DUSP10: variants seen among roughly 807,000 people sequenced by gnomAD.
The protein encoded by DUSP10 is dual specificity phosphatase 10, also known as dual specificity protein phosphatase 10.
DUSP10 carries 14 observed loss-of-function variants against 30.8 expected under a neutral mutation model. That is an observed-to-expected ratio of 0.46 (90% CI 0.30 to 0.71). The LOEUF is 0.71. Among genes scored for constraint, DUSP10 ranks in the 30% least tolerant of loss-of-function variants. The pLI, the probability that DUSP10 is intolerant of heterozygous loss-of-function variation, is 0.08. For missense variants in DUSP10, 550 were observed against 619.4 expected (o/e 0.89, Z 1.19); for synonymous variants, 254 against 250.4 (o/e 1.01, Z -0.14).
In DUSP10 at chr1:221,701,434, T is replaced by C. The variant is rs1176122523; in HGVS notation, c.*978A>G. ...AAGACACATCCTAAACCAGTTTCATTTATATAATGAAAATAAATTTTTACA... is the reference window on the plus strand; with the variant it reads ...AAGACACATCCTAAACCAGTTTCATCTATATAATGAAAATAAATTTTTACA... On this transcript the variant is annotated 3_prime_UTR_variant, in exon 4 of 4. Coordinates refer to ENST00000366899, the MANE Select transcript of DUSP10 (RefSeq NM_007207.6). 6.6e-6 allele frequency: 1 copy of C among 152,240 alleles called. No homozygotes were observed. The highest frequency in any genetic ancestry group is 1.5e-5 in the Non-Finnish European group (1 of 67,950). The allele number at this position is 152,240 out of a possible 1,614,324, so 9.4% of individuals were successfully genotyped here. A position where few individuals can be genotyped will look rare whatever the true frequency, so the allele number is the denominator to read the frequency against.
chr1:221,708,326 A>C (rs1275166856), intron 2 of DUSP10, among the ~76,000 whole-genome samples: 1 of 152,236 alleles, frequency 6.6e-6, no homozygotes. Context: ...CATCTTTGAC[A>C]AACCACAGCG....
chr1:221,716,337 GT>G (rs1661105957), intron 2 of DUSP10, among the ~76,000 whole-genome samples: 1 of 152,178 alleles, frequency 6.6e-6, no homozygotes. Flanking sequence ...AAAGGTTTCA[GT>G]AAGAACCACC....
At chr1:221,719,589 A>G (rs891903002) in intron 2 of DUSP10, among the ~76,000 whole-genome samples, 5 of 152,208 alleles carry the variant, frequency 3.3e-5, no homozygotes, top group Non-Finnish European at 4.4e-5. Flanking sequence ...ACATATTGTC[A>G]ACATGGACTT....
chr1:221,732,520 A>G (rs1020426194), intron 2 of DUSP10, among the ~76,000 whole-genome samples: 1 of 152,232 alleles, frequency 6.6e-6, no homozygotes, highest in Non-Finnish European at 1.5e-5. Flanking sequence ...AAAAAATCTT[A>G]TATTTTATGC....
chr1:221,702,306 T>C lies in DUSP10; in HGVS notation c.*106A>G. Reference sequence around the variant, plus strand: ...AACAAGTTTGTTTCCATTCACAAACTTACTCCCAACTACAAAAAAAAAAAG... The same window carrying C: ...AACAAGTTTGTTTCCATTCACAAACCTACTCCCAACTACAAAAAAAAAAAG... On this transcript the variant is annotated 3_prime_UTR_variant, in exon 4 of 4. Transcript: ENST00000366899. This position sits in a 1 kb window ranked among gnomAD's most constrained non-coding sequence, Gnocchi z 4.5. 1 of 1,338,288 alleles carries C rather than the reference T, an allele frequency of 7.5e-7. No individual in the cohort carries two copies. The highest frequency in any genetic ancestry group is 1.0e-6 in the Non-Finnish European group (1 of 980,142). 82.9% of individuals were successfully genotyped at this position (1,338,288 alleles called of 1,614,324 possible).
At chr1:221,733,350 G>C (rs190168539) in intron 2 of DUSP10, among the ~76,000 whole-genome samples, 4 of 152,214 alleles carry the variant, frequency 2.6e-5, no homozygotes, top group Non-Finnish European at 2.9e-5. Flanking sequence ...AATAGGCAAA[G>C]TGCTTTACCT....
chr1:221,719,254 C>T (rs1661209958), intron 2 of DUSP10, among the ~76,000 whole-genome samples: 1 of 152,198 alleles, frequency 6.6e-6, no homozygotes, highest in African/African-American at 2.4e-5. Flanking sequence ...ACAACTTCCT[C>T]AAGTCACTGA....
chr1:221,719,893 A>G (rs921850323), intron 2 of DUSP10, among the ~76,000 whole-genome samples: 2 of 152,220 alleles, frequency 1.3e-5, no homozygotes, highest in African/African-American at 4.8e-5. Context: ...CTGGTGTTCT[A>G]TAACTTCAAT....
chr1:221,706,404 C>T lies in DUSP10; in HGVS notation c.874G>A (p.Glu292Lys). 11 of 1,564,658 alleles carry T rather than the reference C, an allele frequency of 7.0e-6. No homozygotes were observed. The highest frequency in any genetic ancestry group is 9.5e-6 in the Non-Finnish European group (11 of 1,154,056). ...GCGCCGCCCCCCACCTCCCGGCACT[C>T]TTGGAGCTGGAGGGAGTTGTCACAG... ...NLCDNSLQLQ[E>K]CREVGGGASA... is the part of the protein sequence containing the mutation. Residue 292 changes from glutamate (E) to lysine (K), a missense_variant, in exon 3 of 4, where the codon GAG (glutamate) becomes AAG (lysine). Coordinates refer to ENST00000366899, the MANE Select transcript of DUSP10 (RefSeq NM_007207.6). The surrounding 1 kb of genome is among the most constrained non-coding windows in gnomAD (Gnocchi z 4.6).
rs765464640 is a variant in DUSP10 at position 221,702,468 on chromosome 1, C to T, written c.1393G>A (p.Gly465Ser). ...LLEFEEDLNN[G>S]VTPRILTPKL... is the part of the protein sequence containing the mutation. ...GGTGTAAGGATTCTCGGTGTCACAC[C>T]GTTGTTTAGGTCTTCCTCGAACTCT... The change falls in exon 4 of 4, where the codon GGT becomes AGT. Residue 465 changes from glycine (G) to serine (S), a missense_variant. Coordinates refer to ENST00000366899, the MANE Select transcript of DUSP10 (RefSeq NM_007207.6). The surrounding 1 kb of genome is among the most constrained non-coding windows in gnomAD (Gnocchi z 4.5). 20 of 1,613,934 alleles carry T rather than the reference C, an allele frequency of 1.2e-5. No individual in the cohort carries two copies. Among genetic ancestry groups the T allele is most frequent in the East Asian group, 4.5e-5 (2 of 44,894 alleles).
intron 2 of DUSP10, among the ~76,000 whole-genome samples, chr1:221,726,566 G>C (rs932136450): frequency 4.4e-4 from 67 of 152,228 alleles, no homozygotes; most frequent in Admixed American, 1.0e-3. Flanking sequence ...GGCGGGATTA[G>C]TAATATTATG....
chr1:221,729,911 T>C (rs938539302), intron 2 of DUSP10, among the ~76,000 whole-genome samples: 1 of 152,224 alleles, frequency 6.6e-6, no homozygotes, highest in East Asian at 1.9e-4. Flanking sequence ...AGTTTGTGTC[T>C]AGTCTTATTC....
At chr1:221,731,772 CT>C in intron 2 of DUSP10, among the ~76,000 whole-genome samples, 1 of 151,878 alleles carries the variant, frequency 6.6e-6, no homozygotes, top group South Asian at 2.1e-4. Context: ...CCATGCCCAG[CT>C]AATTTTTGTA....
Position 221,739,507 on chromosome 1 carries a change from A to T in DUSP10, c.238T>A (p.Cys80Ser). 6.2e-7 allele frequency: 1 copy of T among 1,614,196 alleles called. No homozygotes were observed. The highest frequency in any genetic ancestry group is 8.5e-7 in the Non-Finnish European group (1 of 1,180,036). ...TTGTCGTAGGTTGCCACAGTGCAGC[A>T]GCTGGCACTGCTGCATCCACAATTC... Reference protein sequence around the residue: ...SLNCGCSSASCCTVATYDKDN... With the variant: ...SLNCGCSSASSCTVATYDKDN... Residue 80 changes from cysteine to serine, a missense_variant, in exon 2 of 4, where the codon TGC becomes AGC. Cys to Ser is a moderately radical substitution (Grantham distance 112). Transcript: ENST00000366899.
chr1:221,708,232 G>T (rs1660824436), intron 2 of DUSP10, among the ~76,000 whole-genome samples: 1 of 152,194 alleles, frequency 6.6e-6, no homozygotes, highest in African/African-American at 2.4e-5. Context: ...ATGAACAAGA[G>T]ACGGTTATGT....
At position 221,739,745 on chromosome 1, in the gene DUSP10, G is replaced by A; in HGVS notation, c.-1C>T. On this transcript the variant is annotated 5_prime_UTR_variant, in exon 2 of 4. Transcript: ENST00000366899. Reference sequence around the variant, plus strand: ...TGTCGTCTAAAGGAGACGGAGGCATGAGGAGGCTGAAAACTGGCAATTCAA... The same window carrying A: ...TGTCGTCTAAAGGAGACGGAGGCATAAGGAGGCTGAAAACTGGCAATTCAA... The A allele has an allele frequency of 6.4e-7, 1 of 1,570,092 alleles. No individual in the cohort carries two copies.
At chr1:221,730,357 G>A (rs1019702321) in intron 2 of DUSP10, among the ~76,000 whole-genome samples, 1 of 152,124 alleles carries the variant, frequency 6.6e-6, no homozygotes. Context: ...GGCCTGATGC[G>A]ACCCCCTGGC....
intron 2 of DUSP10, among the ~76,000 whole-genome samples, chr1:221,730,835 T>C (rs1363277196): frequency 1.3e-5 from 2 of 151,386 alleles, no homozygotes; most frequent in African/African-American, 2.5e-5. Context: ...TCTCTATATA[T>C]CTATATATCT....
intron 2 of DUSP10, 104 bp downstream of exon 2, chr1:221,738,830 G>T: frequency 7.3e-7 from 1 of 1,378,290 alleles, no homozygotes; most frequent in Non-Finnish European, 9.9e-7. Flanking sequence ...AGTCTATTTT[G>T]GTCTTTGGTA....
Sources: allele counts gnomAD v4.1 joint callset (sites outside exome capture counted in the v4.1 genomes callset), GRCh38; gene constraint gnomAD v4.1.1; non-coding constraint Gnocchi (gnomAD v3.1); transcripts MANE v1.5; gene names NCBI Gene and HGNC (gene_info 2026-07-23, HGNC 2026-07-21).